Variants in CCDC180 observed in about 807,000 individuals in gnomAD.
The protein encoded by CCDC180 is coiled-coil domain-containing protein 180.
CCDC180 carries 154 observed loss-of-function variants against 209.2 expected under a neutral mutation model. The observed-to-expected ratio is 0.74, with a 90% CI of 0.65 to 0.84. The LOEUF is 0.84. Ranked by LOEUF, CCDC180 falls within the 40% of genes least tolerant of loss-of-function variation. The probability of loss-of-function intolerance (pLI) is 0.00; values close to 1 mark genes in which losing one functional copy is unlikely to be tolerated. For missense variants in CCDC180, 1,874 were observed against 1,997.3 expected, an observed-to-expected ratio of 0.94 and a Z score of 1.18; for synonymous variants, 778 against 749.1, an observed-to-expected ratio of 1.04 and a Z score of -0.63.
chr9:97,328,106 C>A lies in CCDC180; in HGVS notation c.1748C>A (p.Ala583Asp). ...AAAGAACTCAACTCCTACAGCTCTG[C>A]CCTCAGCCAATACTTCTTTGTGCGT... ...MLKELNSYSSALSQYFFVREI... is the reference protein window; with the variant it reads ...MLKELNSYSSDLSQYFFVREI... Residue 583 changes from alanine (A) to aspartate (D), a missense_variant, in exon 16 of 37, where the codon GCC becomes GAC. Transcript: ENST00000529487. 1.2e-6 allele frequency: 2 copies of A among 1,614,080 alleles called. No individual in the cohort carries two copies. The highest frequency in any genetic ancestry group is 1.7e-6 in the Non-Finnish European group (2 of 1,179,960).
In CCDC180 at chr9:97,366,630, C is replaced by T. The variant is rs749719572; in HGVS notation, c.4119C>T (p.Ala1373=). 23 of 1,613,992 alleles carry T rather than the reference C, an allele frequency of 1.4e-5. No individual in the cohort carries two copies. The highest frequency in any genetic ancestry group is 2.7e-5 in the African/African-American group (2 of 74,896). ...DCMCDTFDQC[A]ENISKKILEY... The stretch of plus-strand genomic sequence containing the variant: ...TGTGTGACACCTTTGACCAGTGCGC[C>T]GAGAACATTAGCAAAAAGATCCTGG... Residue 1373 remains alanine (A), a synonymous_variant, in exon 31 of 37, where the codon GCC becomes GCT. Coordinates refer to ENST00000529487, the MANE Select transcript of CCDC180 (RefSeq NM_020893.6). This position sits in a 1 kb window ranked among gnomAD's most constrained non-coding sequence, Gnocchi z 4.3.
intron 9 of CCDC180, 143 bp downstream of exon 9, chr9:97,317,371 G>A (rs1833212683): frequency 4.2e-6 from 3 of 719,220 alleles, no homozygotes; most frequent in Non-Finnish European, 6.4e-6. Context: ...AATAGATAAA[G>A]GTATAAAGAA....
intron 9 of CCDC180, 89 bp from the exon 10 acceptor site, chr9:97,318,374 G>T: frequency 6.6e-7 from 1 of 1,511,032 alleles, no homozygotes. Context: ...CTGAGGCTCT[G>T]AATGCTGTCA....
chr9:97,330,066 C>CAA (rs34372293), intron 16 of CCDC180, 88 bp from the exon 17 acceptor site: 8,518 of 575,886 alleles, frequency 0.015, 69 homozygotes, highest in African/African-American at 0.065. Context: ...AGACTCCTCT[C>CAA]AAAAAAAAAA....
chr9:97,320,185 A>G lies in CCDC180; in HGVS notation c.1139A>G (p.Asn380Ser), dbSNP rs758723348. 8 of 1,613,670 alleles carry G rather than the reference A, an allele frequency of 5.0e-6. No individual in the cohort carries two copies. The highest frequency in any genetic ancestry group is 1.7e-5 in the Admixed American group (1 of 59,968). The change falls in exon 11 of 37, where the codon AAC becomes AGC. Residue 380 changes from asparagine (N) to serine (S), a missense_variant. Transcript: ENST00000529487. ...CTGACTGAGTGGCATTCTTCCCTCAACTCCCTGAACAAGGAGCTAGGTGAG... is the reference window on the plus strand; with the variant it reads ...CTGACTGAGTGGCATTCTTCCCTCAGCTCCCTGAACAAGGAGCTAGGTGAG... ...TQLTEWHSSL[N>S]SLNKELDTYH...
rs1391053368 is a variant in CCDC180 at position 97,323,888 on chromosome 9, C to T, written c.1356C>T (p.Asp452=). The part of the protein sequence containing the change: ...VGALQGKVEE[D]LELLDKSFET... ...CACTCCAGGGCAAAGTGGAGGAGGA[C>T]CTGGAGCTCTTGGACGTGCGTGCTG... The change falls in exon 13 of 37, where the codon GAC becomes GAT. Residue 452 remains aspartate, a synonymous_variant. Transcript: ENST00000529487. The T allele has an allele frequency of 1.3e-6, 2 of 1,554,618 alleles. No homozygotes were observed. Among genetic ancestry groups the T allele is most frequent in the African/African-American group, 1.4e-5 (1 of 73,266 alleles).
At position 97,322,912 on chromosome 9, in the gene CCDC180, G is replaced by A. The variant is rs773463492; in HGVS notation, c.1239G>A (p.Gln413=). ...GGCAGGAGTGCCTGATGCATGTGCAGAATTGTAAGGTGGGCACCCTTCCTG... is the reference window on the plus strand; with the variant it reads ...GGCAGGAGTGCCTGATGCATGTGCAAAATTGTAAGGTGGGCACCCTTCCTG... The part of the protein sequence containing the change: ...KTWQECLMHV[Q]NCKKQLLDWK... Residue 413 remains glutamine (Q), a synonymous_variant, in exon 12 of 37, where the codon CAG becomes CAA. Coordinates refer to ENST00000529487, the MANE Select transcript of CCDC180 (RefSeq NM_020893.6). The A allele has an allele frequency of 3.1e-6, 5 of 1,613,842 alleles. No homozygotes were observed. The highest frequency in any genetic ancestry group is 3.4e-6 in the Non-Finnish European group (4 of 1,179,896).
chr9:97,313,803 C>T (rs192533501), intron 5 of CCDC180, among the ~76,000 whole-genome samples: 10 of 152,336 alleles, frequency 6.6e-5, no homozygotes, highest in Non-Finnish European at 1.5e-4. Context: ...CATCTCCACA[C>T]ACACTGGTGT....
chr9:97,308,516 A>G (rs773845169), intron 2 of CCDC180, among the ~76,000 whole-genome samples: 8 of 152,138 alleles, frequency 5.3e-5, no homozygotes, highest in Admixed American at 4.6e-4. Flanking sequence ...ACCCTTTTCT[A>G]TGCCCGTGGG....
chr9:97,326,531 CTTGTT>C lies in CCDC180; in HGVS notation c.1546-19_1546-15del. The C allele has an allele frequency of 7.0e-7, 1 of 1,436,530 alleles. No homozygotes were observed. The highest frequency in any genetic ancestry group is 1.1e-5 in the South Asian group (1 of 87,514). 89.0% of individuals were successfully genotyped at this position (1,436,530 alleles called of 1,614,324 possible). On this transcript the variant is annotated intron_variant, in intron 14 of 36. Transcript: ENST00000529487. ...GCACTGGAGGTCACATCTGCTTCCT[CTTGTT>C]TTGGGGGTGGCTTCCAGGTGCAGGA...
chr9:97,307,352 G>C (rs1342103614), upstream of CCDC180: 3 of 484,700 alleles, frequency 6.2e-6, no homozygotes, highest in African/African-American at 1.9e-5. Flanking sequence ...TCGCTGGACC[G>C]GCCCTGGCTG....
intron 19 of CCDC180, chr9:97,345,547 C>A: frequency 4.9e-6 from 2 of 409,248 alleles, no homozygotes; most frequent in South Asian, 1.8e-5. Context: ...TATTATTTTT[C>A]TGGTCGATTT....
Position 97,366,463 on chromosome 9 carries a change from A to T in CCDC180, c.4048-96A>T. The T allele has an allele frequency of 7.9e-7, 1 of 1,270,036 alleles. No homozygotes were observed. The highest frequency in any genetic ancestry group is 1.5e-5 in the African/African-American group (1 of 66,984). 78.7% of individuals were successfully genotyped at this position (1,270,036 alleles called of 1,614,324 possible). On this transcript the variant is annotated intron_variant, in intron 30 of 36. Transcript: ENST00000529487. This position sits in a 1 kb window ranked among gnomAD's most constrained non-coding sequence, Gnocchi z 4.3. ...ACAGGGGATGCCACGAGCAAAGGCTAGGGAGTGTGGAGGTGAGGGCAGGCT... is the reference window on the plus strand; with the variant it reads ...ACAGGGGATGCCACGAGCAAAGGCTTGGGAGTGTGGAGGTGAGGGCAGGCT...
chr9:97,307,763 G>A lies in CCDC180; in HGVS notation c.-125G>A, dbSNP rs145118939. On this transcript the variant is annotated 5_prime_UTR_variant, in exon 1 of 37. Transcript: ENST00000529487. ...TCCCTTCGGATTTGCGCCATGCGCGGCGGGGAGAACCGGCCTCCTGCTCGA... is the reference window on the plus strand; with the variant it reads ...TCCCTTCGGATTTGCGCCATGCGCGACGGGGAGAACCGGCCTCCTGCTCGA... 4 of 1,614,232 alleles carry A rather than the reference G, an allele frequency of 2.5e-6. No individual in the cohort carries two copies. The African/African-American group carries it at 5.3e-5, about 22-fold the overall frequency.
intron 3 of CCDC180, among the ~76,000 whole-genome samples, chr9:97,311,417 A>G (rs1832983913): frequency 6.6e-6 from 1 of 152,212 alleles, no homozygotes; most frequent in African/African-American, 2.4e-5. Flanking sequence ...TATTGGACAT[A>G]TGGGGCGCCC....
At position 97,357,656 on chromosome 9, in the gene CCDC180, A is replaced by T; in HGVS notation, c.3294A>T (p.Gly1098=). 6.2e-7 allele frequency: 1 copy of T among 1,613,440 alleles called. No individual in the cohort carries two copies. The highest frequency in any genetic ancestry group is 8.5e-7 in the Non-Finnish European group (1 of 1,179,846). ...QVAKSNSQTN[G]LNFSLQQLQN... is the part of the protein sequence containing the mutation. Reference sequence around the variant, plus strand: ...CAAAATCCAATTCGCAAACAAATGGATTAAATTTCTCTCTGCAACAGCTTC... The same window carrying T: ...CAAAATCCAATTCGCAAACAAATGGTTTAAATTTCTCTCTGCAACAGCTTC... The change falls in exon 25 of 37, where the codon GGA becomes GGT. Residue 1098 remains glycine, a synonymous_variant. Transcript: ENST00000529487.
At chr9:97,374,795 T>G in intron 35 of CCDC180, 147 bp downstream of exon 35, 2 of 643,928 alleles carry the variant, frequency 3.1e-6, no homozygotes. Context: ...ATCTATGAAA[T>G]GAGCATGGCC....
chr9:97,310,104 C>G (rs1832933767), intron 3 of CCDC180, among the ~76,000 whole-genome samples: 1 of 152,212 alleles, frequency 6.6e-6, no homozygotes, highest in African/African-American at 2.4e-5. Context: ...AGGCCACAGT[C>G]AGTATTTTGA....
chr9:97,366,132 C>T lies in CCDC180; in HGVS notation c.4047+393C>T, dbSNP rs1351249321. Among the ~76,000 whole-genome samples the T allele has an allele frequency of 2.6e-5, 4 of 152,172 alleles. No homozygotes were observed. Among genetic ancestry groups the T allele is most frequent in the African/African-American group, 9.6e-5 (4 of 41,454 alleles). On this transcript the variant is annotated intron_variant, in intron 30 of 36. Transcript: ENST00000529487. The surrounding 1 kb of genome is among the most constrained non-coding windows in gnomAD (Gnocchi z 4.3). ...TGCCCTGTTCCCACATGCCCTGCAC[C>T]GTAGTGCGAGTGCCTTCTCCTGTCT...
Sources: allele counts gnomAD v4.1 joint callset (sites outside exome capture counted in the v4.1 genomes callset), GRCh38; gene constraint gnomAD v4.1.1; non-coding constraint Gnocchi (gnomAD v3.1); transcripts MANE v1.5; gene names NCBI Gene and HGNC (gene_info 2026-07-23, HGNC 2026-07-21).